Variants in TMC1 observed in about 807,000 individuals in gnomAD.
The protein encoded by TMC1 is transmembrane channel-like protein 1.
TMC1 carries 84 observed loss-of-function variants against 105.8 expected under a neutral mutation model. The observed-to-expected ratio is 0.79, with a 90% CI of 0.67 to 0.95. The LOEUF is 0.95. Ranked by LOEUF, TMC1 falls within the 40% of genes least tolerant of loss-of-function variation. The probability of loss-of-function intolerance (pLI) is 0.00; values close to 1 mark genes in which losing one functional copy is unlikely to be tolerated. For missense variants in TMC1, 817 were observed against 914.1 expected (o/e 0.89, Z 1.37); for synonymous variants, 315 against 311.5 (o/e 1.01, Z -0.12).
intron 1 of TMC1, among the ~76,000 whole-genome samples, chr9:72,543,952 C>CTTT (rs1554710174): frequency 6.7e-5 from 9 of 134,342 alleles, no homozygotes; most frequent in Non-Finnish European, 1.3e-4. Context: ...TTCTTTCTTT[C>CTTT]TTTTTTTTTT....
chr9:72,751,690 CT>C (rs1167984181), intron 10 of TMC1, among the ~76,000 whole-genome samples, 159 bp from the exon 11 acceptor site: 1 of 152,220 alleles, frequency 6.6e-6, no homozygotes, highest in Non-Finnish European at 1.5e-5. Context: ...AACATTTTCT[CT>C]TCCTGAATAG....
intron 10 of TMC1, among the ~76,000 whole-genome samples, chr9:72,744,173 C>T (rs1051998538): frequency 9.2e-5 from 14 of 152,190 alleles, no homozygotes; most frequent in Admixed American, 7.2e-4. Flanking sequence ...TATCCCCTTC[C>T]ACACATTCCC....
chr9:72,573,359 C>T (rs1824320758), intron 1 of TMC1, among the ~76,000 whole-genome samples: 1 of 152,160 alleles, frequency 6.6e-6, no homozygotes, highest in Non-Finnish European at 1.5e-5. Flanking sequence ...GTGTTCTCCT[C>T]TAAATAGGGG....
intron 2 of TMC1, among the ~76,000 whole-genome samples, chr9:72,613,866 C>T (rs572361697): frequency 2.6e-5 from 4 of 152,162 alleles, no homozygotes; most frequent in African/African-American, 9.6e-5. Flanking sequence ...GGAAGGATGA[C>T]AGCTGGGAAA....
intron 3 of TMC1, among the ~76,000 whole-genome samples, chr9:72,617,038 A>T (rs1268889459): frequency 2.0e-5 from 3 of 152,224 alleles, no homozygotes. Flanking sequence ...TTTAAGCAAA[A>T]TTAAGTTAAA....
At chr9:72,759,056 G>T (rs910741731) in intron 12 of TMC1, among the ~76,000 whole-genome samples, 3 of 152,126 alleles carry the variant, frequency 2.0e-5, no homozygotes, top group African/African-American at 7.2e-5. Flanking sequence ...AGGTAACATA[G>T]AAATGGTAAC....
intron 11 of TMC1, among the ~76,000 whole-genome samples, chr9:72,753,110 C>T (rs1246284643): frequency 6.6e-6 from 1 of 152,038 alleles, no homozygotes; most frequent in African/African-American, 2.4e-5. Context: ...TAAGATTTTG[C>T]ACTTTAATCC....
At chr9:72,616,764 G>C (rs1416159806) in intron 3 of TMC1, among the ~76,000 whole-genome samples, 1 of 151,858 alleles carries the variant, frequency 6.6e-6, no homozygotes, top group Non-Finnish European at 1.5e-5. Context: ...AGGCACAAAA[G>C]GATGAATGAA....
At chr9:72,802,676 T>C in intron 17 of TMC1, among the ~76,000 whole-genome samples, 1 of 152,026 alleles carries the variant, frequency 6.6e-6, no homozygotes, top group Non-Finnish European at 1.5e-5. Context: ...CTCTGGGACA[T>C]ACTTGAAGGA....
At chr9:72,669,795 T>C (rs1208852998) in intron 5 of TMC1, among the ~76,000 whole-genome samples, 1 of 152,004 alleles carries the variant, frequency 6.6e-6, no homozygotes, top group Non-Finnish European at 1.5e-5. Context: ...GAAATACAGA[T>C]ACTGAATTTA....
At chr9:72,637,917 A>G (rs1338294706) in intron 4 of TMC1, among the ~76,000 whole-genome samples, 1 of 152,212 alleles carries the variant, frequency 6.6e-6, no homozygotes, top group Non-Finnish European at 1.5e-5. Flanking sequence ...AACATAAACT[A>G]GTTTAGCACA....
At chr9:72,722,114 C>T (rs943879259) in intron 8 of TMC1, among the ~76,000 whole-genome samples, 1 of 152,148 alleles carries the variant, frequency 6.6e-6, no homozygotes, top group African/African-American at 2.4e-5. Context: ...AGATGTTTTA[C>T]ACATCAACTC....
In TMC1 at chr9:72,560,775, C is replaced by T. The variant is rs146688222; in HGVS notation, c.-427-17127C>T. Among the ~76,000 whole-genome samples, 657 of 151,974 alleles carry T rather than the reference C, an allele frequency of 4.3e-3. 3 individuals are homozygous for T. The highest frequency in any genetic ancestry group is 7.3e-3 in the Non-Finnish European group (496 of 67,982). On this transcript the variant is annotated intron_variant, in intron 1 of 23. Coordinates refer to ENST00000297784, the MANE Select transcript of TMC1 (RefSeq NM_138691.3). The stretch of plus-strand genomic sequence containing the variant: ...CTGGGATTACAGGCATGAGCCACCG[C>T]GCCCGGCCTCATTTTCTCTATCTGT...
At chr9:72,592,603 G>A (rs1473212309) in intron 2 of TMC1, among the ~76,000 whole-genome samples, 4 of 152,180 alleles carry the variant, frequency 2.6e-5, no homozygotes, top group East Asian at 1.9e-4. Flanking sequence ...GCAGGTGTGC[G>A]TGTTTCCTTC....
In TMC1 at chr9:72,633,994, C is replaced by T. The variant is rs142045000; in HGVS notation, c.-53+5931C>T. ...TGCAGTAGAGAAAGCATTTGATAAT[C>T]ACAAGGCCAGCCAAGTGGAAGCATG... On this transcript the variant is annotated intron_variant, in intron 4 of 23. Transcript: ENST00000297784. 1.9e-3 allele frequency among the ~76,000 whole-genome samples: 296 copies of T among 152,276 alleles called. 2 individuals carry two copies. Among genetic ancestry groups the T allele is most frequent in the African/African-American group, 6.3e-3 (261 of 41,546 alleles).
At chr9:72,597,597 A>G (rs1052298538) in intron 2 of TMC1, among the ~76,000 whole-genome samples, 23 of 152,194 alleles carry the variant, frequency 1.5e-4, no homozygotes, top group African/African-American at 5.5e-4. Flanking sequence ...AGTGATTCTT[A>G]GGGGCATATT....
chr9:72,742,758 T>G (rs1827412243), intron 10 of TMC1, among the ~76,000 whole-genome samples: 1 of 152,194 alleles, frequency 6.6e-6, no homozygotes. Context: ...TCTACCTTAG[T>G]CCAAAACATT....
At chr9:72,632,204 AAGAG>A (rs1025789801) in intron 4 of TMC1, among the ~76,000 whole-genome samples, 1 of 151,848 alleles carries the variant, frequency 6.6e-6, no homozygotes, top group Non-Finnish European at 1.5e-5. Context: ...GAGAGAGAGA[AAGAG>A]AGAGAGGAGA....
intron 4 of TMC1, among the ~76,000 whole-genome samples, chr9:72,632,001 C>T (rs891821933): frequency 1.3e-5 from 2 of 152,118 alleles, no homozygotes; most frequent in Non-Finnish European, 2.9e-5. Flanking sequence ...TTAGTCCGTC[C>T]TTGCATTGCT....
Sources: allele counts gnomAD v4.1 joint callset (sites outside exome capture counted in the v4.1 genomes callset), GRCh38; gene constraint gnomAD v4.1.1; transcripts MANE v1.5; gene names NCBI Gene and HGNC (gene_info 2026-07-23, HGNC 2026-07-21).